OSTF1: variants seen among roughly 807,000 people sequenced by gnomAD.
OSTF1 encodes the protein osteoclast stimulating factor 1.
In OSTF1, 27 loss-of-function variants were observed where a neutral mutation model predicts 37.2. The observed-to-expected ratio is 0.73, with a 90% CI of 0.54 to 1.00. OSTF1 has a LOEUF of 1.00. Among genes scored for constraint, OSTF1 ranks in the 50% least tolerant of loss-of-function variants. The probability of loss-of-function intolerance (pLI) is 0.00; values close to 1 mark genes in which losing one functional copy is unlikely to be tolerated. For missense variants in OSTF1, 232 were observed against 253.8 expected (o/e 0.91, Z 0.58); for synonymous variants, 82 against 89.2 (o/e 0.92, Z 0.46).
intron 1 of OSTF1, among the ~76,000 whole-genome samples, chr9:75,107,445 C>G (rs944702990): frequency 2.6e-5 from 4 of 152,148 alleles, no homozygotes; most frequent in Non-Finnish European, 5.9e-5. Flanking sequence ...ATGATTCTCT[C>G]TTGATCAAAT....
chr9:75,144,977 A>G lies in OSTF1; in HGVS notation c.587-1706A>G, dbSNP rs12005585. ...AAAGAAACTGGGTCAACTCACTTGA[A>G]TTTCCCATTGTGGACATTGCTAACT... is the stretch of plus-strand genomic sequence containing the variant. On this transcript the variant is annotated intron_variant, in intron 9 of 9. Coordinates refer to ENST00000346234, the MANE Select transcript of OSTF1 (RefSeq NM_012383.5). Among the ~76,000 whole-genome samples the G allele has an allele frequency of 2.8e-3, 424 of 152,168 alleles. 5 individuals carry two copies. Among genetic ancestry groups the G allele is most frequent in the African/African-American group, 9.6e-3 (397 of 41,510 alleles).
Position 75,088,707 on chromosome 9 carries a change from A to C in OSTF1, c.15A>C (p.Pro5=). The C allele has an allele frequency of 6.2e-7, 1 of 1,609,074 alleles. No homozygotes were observed. ...CAGGAAGCGAGATGTCGAAGCCGCC[A>C]CCCAAACCAGTCAAACCAGGTGAGG... MSKP[P]PKPVKPGQVK... is the part of the protein sequence containing the mutation. Residue 5 remains proline (P), a synonymous_variant, in exon 1 of 10, where the codon CCA becomes CCC. Coordinates refer to ENST00000346234, the MANE Select transcript of OSTF1 (RefSeq NM_012383.5).
chr9:75,124,331 G>A (rs1156902744), intron 2 of OSTF1, among the ~76,000 whole-genome samples: 1 of 152,016 alleles, frequency 6.6e-6, no homozygotes, highest in Non-Finnish European at 1.5e-5. Context: ...TTGACTATTA[G>A]CTATCCTGTT....
At chr9:75,130,663 T>C in intron 4 of OSTF1, 22 bp downstream of exon 4, 1 of 1,559,792 alleles carries the variant, frequency 6.4e-7, no homozygotes, top group Non-Finnish European at 8.8e-7. Context: ...TGAGTGGTTT[T>C]ACTTTAGCTT....
At chr9:75,132,240 G>A (rs533217340) in intron 5 of OSTF1, among the ~76,000 whole-genome samples, 197 of 152,330 alleles carry the variant, frequency 1.3e-3, no homozygotes, top group African/African-American at 4.6e-3. Context: ...GAGAATGGAA[G>A]GGTCTGGTGG....
intron 9 of OSTF1, among the ~76,000 whole-genome samples, chr9:75,141,280 G>A (rs1825938537): frequency 7.8e-6 from 1 of 128,460 alleles, no homozygotes; most frequent in Non-Finnish European, 1.6e-5. Flanking sequence ...CAGCCTGGGT[G>A]AGAGCAAGAC....
At chr9:75,130,499 C>G in intron 3 of OSTF1, 79 bp from the exon 4 acceptor site, 1 of 952,672 alleles carries the variant, frequency 1.0e-6, no homozygotes, top group South Asian at 1.3e-5. Context: ...ACAGGTACTC[C>G]CTAGGAGCTA....
intron 1 of OSTF1, among the ~76,000 whole-genome samples, chr9:75,112,738 A>T (rs958104998): frequency 3.9e-5 from 6 of 152,188 alleles, no homozygotes; most frequent in African/African-American, 1.4e-4. Flanking sequence ...TTTTTGTTGA[A>T]TTTCACCTAA....
At chr9:75,118,471 G>C (rs748727139) in intron 2 of OSTF1, among the ~76,000 whole-genome samples, 1 of 152,152 alleles carries the variant, frequency 6.6e-6, no homozygotes, top group Non-Finnish European at 1.5e-5. Flanking sequence ...CTCTGGGTAA[G>C]ATTGGAGGTG....
chr9:75,119,100 C>A (rs541271898), intron 2 of OSTF1, among the ~76,000 whole-genome samples: 1 of 152,372 alleles, frequency 6.6e-6, no homozygotes, highest in South Asian at 2.1e-4. Flanking sequence ...CAGTTCACTG[C>A]CATCAGGCCA....
chr9:75,133,776 G>A (rs1825803134), intron 6 of OSTF1, among the ~76,000 whole-genome samples: 1 of 152,198 alleles, frequency 6.6e-6, no homozygotes, highest in Non-Finnish European at 1.5e-5. Context: ...TGCATTTTAA[G>A]TTTAATGCAA....
Position 75,146,848 on chromosome 9 carries a change from C to A in OSTF1, c.*107C>A. On this transcript the variant is annotated 3_prime_UTR_variant, in exon 10 of 10. Transcript: ENST00000346234. ...AACTATAAAGAAAATTATATATGAA[C>A]ACGGCAGTGTTGCACTGTGTTTGAG... 1 of 747,746 alleles carries A rather than the reference C, an allele frequency of 1.3e-6. No homozygotes were observed. Among genetic ancestry groups the A allele is most frequent in the Non-Finnish European group, 2.3e-6 (1 of 440,664 alleles). 46.3% of individuals were successfully genotyped at this position (747,746 alleles called of 1,614,324 possible).
intron 6 of OSTF1, 61 bp downstream of exon 6, chr9:75,133,462 G>A: frequency 1.0e-6 from 1 of 982,630 alleles, no homozygotes; most frequent in Admixed American, 2.0e-5. Flanking sequence ...ACCTACGGGA[G>A]CCAGATTTAC....
In OSTF1 at chr9:75,146,189, T is replaced by C. The variant is rs1186073383; in HGVS notation, c.587-494T>C. 2.6e-5 allele frequency among the ~76,000 whole-genome samples: 4 copies of C among 152,190 alleles called. No homozygotes were observed. In the East Asian group the frequency reaches 7.7e-4, roughly 29 times the overall value. Reference sequence around the variant, plus strand: ...GGGTCCAGCTCTATTTTAAAACTTTTCCCCCCCATTTCAGCCTTTTGCTTT... The same window carrying C: ...GGGTCCAGCTCTATTTTAAAACTTTCCCCCCCCATTTCAGCCTTTTGCTTT... On this transcript the variant is annotated intron_variant, in intron 9 of 9. Coordinates refer to ENST00000346234, the MANE Select transcript of OSTF1 (RefSeq NM_012383.5).
Position 75,088,516 on chromosome 9 carries a change from TCG to T in OSTF1, c.-176_-175del. 1.5e-6 allele frequency: 1 copy of T among 669,308 alleles called. No individual in the cohort carries two copies. The allele number at this position is 669,308 out of a possible 1,614,324, so 41.5% of individuals were successfully genotyped here. ...GCGGCCGCGGGGCGGGGCGGAGCAC[TCG>T]GCGGAGCCGCTCTGCCTGCGTCCGC... On this transcript the variant is annotated 5_prime_UTR_variant, in exon 1 of 10. Coordinates refer to ENST00000346234, the MANE Select transcript of OSTF1 (RefSeq NM_012383.5).
At chr9:75,113,450 CTG>C (rs993352820) in intron 1 of OSTF1, among the ~76,000 whole-genome samples, 20 of 138,524 alleles carry the variant, frequency 1.4e-4, no homozygotes, top group Admixed American at 6.5e-4. Context: ...TTTTTTTTTT[CTG>C]TCTCTTTTTT....
intron 1 of OSTF1, among the ~76,000 whole-genome samples, chr9:75,091,718 A>G (rs552024513): frequency 6.6e-6 from 1 of 152,346 alleles, no homozygotes; most frequent in African/African-American, 2.4e-5. Flanking sequence ...AGGAAAAAGT[A>G]AAGATAAAGC....
At chr9:75,089,383 T>C (rs559957770) in intron 1 of OSTF1, among the ~76,000 whole-genome samples, 1 of 151,966 alleles carries the variant, frequency 6.6e-6, no homozygotes, top group Non-Finnish European at 1.5e-5. Context: ...CCAAAGACGT[T>C]GGCGTGCTAA....
intron 1 of OSTF1, among the ~76,000 whole-genome samples, chr9:75,106,108 T>C (rs1286708774): frequency 6.6e-6 from 1 of 152,064 alleles, no homozygotes; most frequent in African/African-American, 2.4e-5. Flanking sequence ...ATAGGGGAAG[T>C]GGTGGGGAAG....
Sources: gnomAD v4.1 joint callset for allele counts (sites outside exome capture counted in the v4.1 genomes callset) on GRCh38, gnomAD v4.1.1 for gene constraint, MANE v1.5 for transcripts, NCBI Gene and HGNC (gene_info 2026-07-23, HGNC 2026-07-21) for gene names.